Variants in SLC25A28 observed in about 807,000 individuals in gnomAD.
The protein encoded by SLC25A28 is solute carrier family 25 member 28, also known as mitoferrin-2.
Under a neutral mutation model 31.9 loss-of-function variants are expected in SLC25A28, and 10 were observed. The ratio of observed to expected loss-of-function variants is 0.31; its 90% CI spans 0.19 to 0.53. The LOEUF is 0.53. SLC25A28 is among the 20% of genes least tolerant of loss of function. The pLI is 0.95. For missense variants in SLC25A28, 256 were observed against 490.3 expected (o/e 0.52, Z 4.51); for synonymous variants, 208 against 203.6 (o/e 1.02, Z -0.19).
chr10:99,620,744 A>C (rs1466257249), upstream of SLC25A28: 1 of 985,484 alleles, frequency 1.0e-6, no homozygotes, highest in Admixed American at 6.1e-5. Flanking sequence ...ACCACTCTTG[A>C]TACTTTGACC....
chr10:99,644,538 C>T, the SLC25A28 span, among the ~76,000 whole-genome samples: 2 of 152,094 alleles, frequency 1.3e-5, no homozygotes, highest in African/African-American at 2.4e-5. Flanking sequence ...TTAATTGGAG[C>T]GTTTAGCCCA....
At chr10:99,635,962 A>T in the SLC25A28 span, among the ~76,000 whole-genome samples, 3 of 152,212 alleles carry the variant, frequency 2.0e-5, no homozygotes, top group Non-Finnish European at 4.4e-5. Context: ...AGAGCTCCCA[A>T]ATTTATAAAG....
At chr10:99,619,164 G>C in intron 1 of SLC25A28, 1 of 985,380 alleles carries the variant, frequency 1.0e-6, no homozygotes, top group East Asian at 1.1e-4. Flanking sequence ...CATCCTGCTT[G>C]GTTGTGAATG....
the SLC25A28 span, among the ~76,000 whole-genome samples, chr10:99,650,571 G>T: frequency 6.6e-6 from 1 of 152,060 alleles, no homozygotes; most frequent in Non-Finnish European, 1.5e-5. Context: ...TGGGACCAGA[G>T]AGGGTAGGGC....
At chr10:99,633,300 A>G in the SLC25A28 span, among the ~76,000 whole-genome samples, 1 of 152,110 alleles carries the variant, frequency 6.6e-6, no homozygotes, top group Non-Finnish European at 1.5e-5. Flanking sequence ...GCCTTATCCA[A>G]TGCTGATTTC....
In SLC25A28 at chr10:99,610,743, C is replaced by G. The variant is rs2034500745; in HGVS notation, c.*106G>C. 7 of 1,423,896 alleles carry G rather than the reference C, an allele frequency of 4.9e-6. No homozygotes were observed. Among genetic ancestry groups the G allele is most frequent in the Non-Finnish European group, 6.7e-6 (7 of 1,049,834 alleles). 88.2% of individuals were successfully genotyped at this position (1,423,896 alleles called of 1,614,324 possible). A position where few individuals can be genotyped will look rare whatever the true frequency, so the allele number is the denominator to read the frequency against. On this transcript the variant is annotated 3_prime_UTR_variant, in exon 4 of 4. Coordinates refer to ENST00000370495, the MANE Select transcript of SLC25A28 (RefSeq NM_031212.4). ...ACCAAAATCCTGGGGGAGAGCCCCT[C>G]TACCTTCCTTCTAACTCCACTTGAG... is the stretch of plus-strand genomic sequence containing the variant.
At chr10:99,630,589 T>A in the SLC25A28 span, among the ~76,000 whole-genome samples, 1 of 152,180 alleles carries the variant, frequency 6.6e-6, no homozygotes, top group East Asian at 1.9e-4. Flanking sequence ...GTTCTGAACA[T>A]CCAATTGGTG....
the SLC25A28 span, among the ~76,000 whole-genome samples, chr10:99,658,514 T>G: frequency 6.6e-6 from 1 of 151,958 alleles, no homozygotes; most frequent in Admixed American, 6.6e-5. Flanking sequence ...TAGGCATGTA[T>G]AAAAAAGGTG....
chr10:99,658,663 T>C, the SLC25A28 span, among the ~76,000 whole-genome samples: 1 of 152,052 alleles, frequency 6.6e-6, no homozygotes. Context: ...ACAGGACGCG[T>C]TGCTGGAGCG....
chr10:99,613,497 TG>T lies in SLC25A28; in HGVS notation c.520+198del. ...AAGGGAGGATACTGTAACCCTTTGT[TG>T]AGGTGCCCCAAAGGAAAAGGCAGGG... On this transcript the variant is annotated intron_variant, in intron 2 of 3. Transcript: ENST00000370495. This position sits in a 1 kb window ranked among gnomAD's most constrained non-coding sequence, Gnocchi z 4.9. 1 of 1,440,004 alleles carries T rather than the reference TG, an allele frequency of 6.9e-7. No homozygotes were observed. Among genetic ancestry groups the T allele is most frequent in the Non-Finnish European group, 9.1e-7 (1 of 1,102,338 alleles). 89.2% of individuals were successfully genotyped at this position (1,440,004 alleles called of 1,614,324 possible).
At chr10:99,617,756 T>A (rs2034691199) in intron 1 of SLC25A28, 2 of 985,264 alleles carry the variant, frequency 2.0e-6, no homozygotes, top group Admixed American at 6.1e-5. Flanking sequence ...CTCCTGAGCA[T>A]TTTTTTCTCA....
At chr10:99,645,548 T>A in the SLC25A28 span, among the ~76,000 whole-genome samples, 1 of 152,234 alleles carries the variant, frequency 6.6e-6, no homozygotes, top group Non-Finnish European at 1.5e-5. Flanking sequence ...TCCAAAGCCT[T>A]CTTCTCTCAA....
upstream of SLC25A28, chr10:99,621,844 C>T (rs1309252019): frequency 6.6e-6 from 1 of 152,190 alleles, no homozygotes; most frequent in Non-Finnish European, 1.5e-5. Context: ...TTTTTCTACT[C>T]TCTTCAGCAG....
In SLC25A28 at chr10:99,611,391, G is replaced by A. The variant is rs2034520989; in HGVS notation, c.578-25C>T. ...ACTAGTAGTGCCATCAACGAGGAAG[G>A]AAATGGTGACAGCAGCCAACCGGTG... On this transcript the variant is annotated intron_variant, in intron 3 of 3. Coordinates refer to ENST00000370495, the MANE Select transcript of SLC25A28 (RefSeq NM_031212.4). The surrounding 1 kb of genome is among the most constrained non-coding windows in gnomAD (Gnocchi z 5.5). 1 of 1,609,578 alleles carries A rather than the reference G, an allele frequency of 6.2e-7. No individual in the cohort carries two copies. The highest frequency in any genetic ancestry group is 2.2e-5 in the East Asian group (1 of 44,806).
chr10:99,642,259 G>A, the SLC25A28 span, among the ~76,000 whole-genome samples: 2 of 152,118 alleles, frequency 1.3e-5, no homozygotes, highest in African/African-American at 4.8e-5. Flanking sequence ...GTGGTTTGTA[G>A]TTCTCCTTGA....
intron 1 of SLC25A28, chr10:99,617,929 T>A: frequency 2.4e-6 from 1 of 420,416 alleles, no homozygotes; most frequent in Non-Finnish European, 3.2e-6. Context: ...AAAGCTGTGG[T>A]TATGCAAAAC....
chr10:99,628,792 G>A, the SLC25A28 span, among the ~76,000 whole-genome samples: 1 of 152,184 alleles, frequency 6.6e-6, no homozygotes, highest in Non-Finnish European at 1.5e-5. Context: ...TTGCACTCTA[G>A]CCTGGGCAAA....
intron 1 of SLC25A28, among the ~76,000 whole-genome samples, chr10:99,615,186 C>G (rs1467920474): frequency 1.2e-4 from 19 of 152,060 alleles, no homozygotes; most frequent in Admixed American, 1.2e-3. Flanking sequence ...GAAACCCCGT[C>G]TCTATTAAAA....
chr10:99,612,701 G>C (rs773714361), intron 2 of SLC25A28, 102 bp from the exon 3 acceptor site: 1 of 1,312,010 alleles, frequency 7.6e-7, no homozygotes, highest in East Asian at 2.3e-5. Flanking sequence ...CTACAGCGGG[G>C]AAAAGTAACG....
Sources: allele counts gnomAD v4.1 joint callset (sites outside exome capture counted in the v4.1 genomes callset), GRCh38; gene constraint gnomAD v4.1.1; non-coding constraint Gnocchi (gnomAD v3.1); transcripts MANE v1.5; gene names NCBI Gene and HGNC (gene_info 2026-07-23, HGNC 2026-07-21).